Variants in DPYD observed in about 807,000 individuals in gnomAD.
DPYD encodes dihydropyrimidine dehydrogenase [NADP(+)].
DPYD carries 109 observed loss-of-function variants against 116.2 expected under a neutral mutation model. The ratio of observed to expected loss-of-function variants is 0.94; its 90% CI spans 0.80 to 1.10. The LOEUF is 1.10. Among genes scored for constraint, DPYD ranks in the 50% least tolerant of loss-of-function variants. DPYD has a pLI of 0.00. For synonymous variants in DPYD, 440 were observed against 432.0 expected, an observed-to-expected ratio of 1.02 and a Z score of -0.23; for missense variants, 1,302 against 1,254.5, an observed-to-expected ratio of 1.04 and a Z score of -0.57.
intron 14 of DPYD, among the ~76,000 whole-genome samples, chr1:97,438,694 T>G (rs945837430): frequency 3.3e-5 from 5 of 151,908 alleles, no homozygotes; most frequent in Non-Finnish European, 5.9e-5. Context: ...AGAGAAGGTG[T>G]TTTACTGTAA....
intron 8 of DPYD, among the ~76,000 whole-genome samples, chr1:97,625,091 C>T (rs1039397616): frequency 6.6e-6 from 1 of 151,800 alleles, no homozygotes; most frequent in African/African-American, 2.4e-5. Context: ...TTTCAAAATT[C>T]CTAAGATATT....
At chr1:97,818,292 A>T (rs1175303412) in intron 3 of DPYD, among the ~76,000 whole-genome samples, 1 of 152,072 alleles carries the variant, frequency 6.6e-6, no homozygotes, top group Non-Finnish European at 1.5e-5. Flanking sequence ...AGGTGGAACA[A>T]ACCAATGCTT....
At chr1:97,566,687 A>AT in intron 11 of DPYD, among the ~76,000 whole-genome samples, 1 of 152,208 alleles carries the variant, frequency 6.6e-6, no homozygotes, top group South Asian at 2.1e-4. Flanking sequence ...TTAGTATTCA[A>AT]TTTTTCCCCC....
chr1:97,351,366 T>C (rs1300523196), intron 16 of DPYD, among the ~76,000 whole-genome samples: 3 of 152,022 alleles, frequency 2.0e-5, no homozygotes, highest in Non-Finnish European at 4.4e-5. Context: ...TGAGAGAAGA[T>C]GTTCCCACGG....
At chr1:97,580,108 T>G (rs1653537805) in intron 10 of DPYD, among the ~76,000 whole-genome samples, 1 of 152,226 alleles carries the variant, frequency 6.6e-6, no homozygotes, top group Non-Finnish European at 1.5e-5. Flanking sequence ...CAACTCACTT[T>G]TAGATTGCAC....
intron 8 of DPYD, among the ~76,000 whole-genome samples, chr1:97,598,714 T>C (rs952357029): frequency 6.6e-6 from 1 of 152,342 alleles, no homozygotes. Flanking sequence ...GACACTACTC[T>C]AAATGCCTGG....
rs572477626 is a variant in DPYD, at chr1:97,463,272, A to T, written c.1741-13049T>A. On this transcript the variant is annotated intron_variant, in intron 13 of 22. Transcript: ENST00000370192. ...TGTGATGTTCTCATGATAGTGAATAAGTCTCAAGAGATCTGATGGTTTTAT... is the reference window on the plus strand; with the variant it reads ...TGTGATGTTCTCATGATAGTGAATATGTCTCAAGAGATCTGATGGTTTTAT... 2.0e-5 allele frequency among the ~76,000 whole-genome samples: 3 copies of T among 152,320 alleles called. No individual in the cohort carries two copies. In the South Asian group the frequency reaches 6.2e-4, roughly 32 times the overall value.
intron 16 of DPYD, among the ~76,000 whole-genome samples, chr1:97,353,626 T>TG (rs1205666967): frequency 2.1e-5 from 3 of 141,918 alleles, no homozygotes; most frequent in Admixed American, 7.0e-5. Flanking sequence ...AACTGCATTC[T>TG]GTTTTTTTTT....
At chr1:97,701,969 T>C (rs1271373008) in intron 5 of DPYD, among the ~76,000 whole-genome samples, 2 of 151,772 alleles carry the variant, frequency 1.3e-5, no homozygotes, top group Admixed American at 1.3e-4. Flanking sequence ...AATAAAATAA[T>C]TTCTTATTCC....
At chr1:97,717,221 C>A (rs1008801303) in intron 5 of DPYD, among the ~76,000 whole-genome samples, 1 of 151,932 alleles carries the variant, frequency 6.6e-6, no homozygotes, top group South Asian at 2.1e-4. Context: ...TGCATTACTG[C>A]AAATAGTATA....
intron 8 of DPYD, among the ~76,000 whole-genome samples, chr1:97,626,622 A>G (rs1435858175): frequency 6.6e-6 from 1 of 152,060 alleles, no homozygotes; most frequent in Non-Finnish European, 1.5e-5. Flanking sequence ...CTTCTAAAAC[A>G]ATGTTAAATC....
At chr1:97,407,444 T>A (rs1673726801) in intron 14 of DPYD, among the ~76,000 whole-genome samples, 1 of 152,130 alleles carries the variant, frequency 6.6e-6, no homozygotes, top group Non-Finnish European at 1.5e-5. Context: ...GGCGTGTACA[T>A]TAGTGGTACT....
At chr1:97,844,330 C>G (rs1356092305) in intron 2 of DPYD, among the ~76,000 whole-genome samples, 2 of 152,196 alleles carry the variant, frequency 1.3e-5, no homozygotes, top group East Asian at 1.9e-4. Context: ...ATGACTGATG[C>G]CTGGAGGCTC....
intron 3 of DPYD, among the ~76,000 whole-genome samples, chr1:97,804,773 T>C (rs986633092): frequency 2.0e-5 from 3 of 151,876 alleles, no homozygotes; most frequent in Non-Finnish European, 2.9e-5. Context: ...CTAATTTAAC[T>C]TCATCTCTTA....
intron 3 of DPYD, among the ~76,000 whole-genome samples, chr1:97,746,034 T>C (rs1476681729): frequency 6.6e-6 from 1 of 152,116 alleles, no homozygotes; most frequent in African/African-American, 2.4e-5. Flanking sequence ...GTCTTGACTG[T>C]CTCCTCAAGA....
At chr1:97,654,747 T>C (rs1276387707) in intron 8 of DPYD, among the ~76,000 whole-genome samples, 3 of 152,162 alleles carry the variant, frequency 2.0e-5, no homozygotes, top group East Asian at 1.9e-4. Context: ...AAAATGACTA[T>C]GGTATTAGTC....
At chr1:97,387,860 T>C (rs1672441028) in intron 14 of DPYD, among the ~76,000 whole-genome samples, 1 of 152,108 alleles carries the variant, frequency 6.6e-6, no homozygotes, top group African/African-American at 2.4e-5. Flanking sequence ...TAGCCAGATC[T>C]CTGGGAGCTC....
intron 16 of DPYD, among the ~76,000 whole-genome samples, chr1:97,339,086 A>G (rs375578766): frequency 7.9e-5 from 12 of 152,156 alleles, no homozygotes; most frequent in Admixed American, 3.3e-4. Flanking sequence ...AAAAGAGAGT[A>G]GCTACTGCTG....
chr1:97,691,708 T>C lies in DPYD; in HGVS notation c.762+9A>G, dbSNP rs1448805727. 1.9e-6 allele frequency: 3 copies of C among 1,612,504 alleles called. No individual in the cohort carries two copies. Among genetic ancestry groups the C allele is most frequent in the Non-Finnish European group, 2.5e-6 (3 of 1,178,814 alleles). ...GAGCAGTACACAGATAGGTGTTTTT[T>C]TCATTTACCTTTACACCAAGGTCCT... On this transcript the variant is annotated intron_variant, in intron 7 of 22. Transcript: ENST00000370192.
Sources: gnomAD v4.1 joint callset for allele counts (sites outside exome capture counted in the v4.1 genomes callset) on GRCh38, gnomAD v4.1.1 for gene constraint, MANE v1.5 for transcripts, NCBI Gene and HGNC (gene_info 2026-07-23, HGNC 2026-07-21) for gene names.